Variants in DNHD1 observed in about 807,000 individuals in gnomAD.
The protein encoded by DNHD1 is dynein heavy chain domain 1.
A neutral mutation model predicts 458.1 loss-of-function variants in DNHD1; 383 were observed. The ratio of observed to expected loss-of-function variants is 0.84; its 90% CI spans 0.77 to 0.91. The LOEUF is 0.91. Among genes scored for constraint, DNHD1 ranks in the 40% least tolerant of loss-of-function variants. The pLI is 0.00. For missense variants in DNHD1, 5,336 were observed against 5,866.1 expected, an observed-to-expected ratio of 0.91 and a Z score of 2.95; for synonymous variants, 2,203 against 2,376.9, an observed-to-expected ratio of 0.93 and a Z score of 2.13.
Position 6,498,703 on chromosome 11 carries a change from C to A in DNHD1, c.488C>A (p.Pro163Gln). The change falls in exon 3 of 43, where the codon CCA becomes CAA. Residue 163 changes from proline (P) to glutamine (Q), a missense_variant. Pro to Gln is a moderately conservative substitution (Grantham distance 76, BLOSUM62 -1). Coordinates refer to ENST00000254579, the MANE Select transcript of DNHD1 (RefSeq NM_144666.3). ...AGGCTCCATCACAGGCCCCCATGCCCAGCTTGCCCTTTTGTGCAGGCCCAG... is the reference window on the plus strand; with the variant it reads ...AGGCTCCATCACAGGCCCCCATGCCAAGCTTGCCCTTTTGTGCAGGCCCAG... The part of the protein sequence containing the change: ...KRRLHHRPPC[P>Q]ACPFVQAQWS... 1 of 1,614,196 alleles carries A rather than the reference C, an allele frequency of 6.2e-7. No individual in the cohort carries two copies. The highest frequency in any genetic ancestry group is 8.5e-7 in the Non-Finnish European group (1 of 1,180,018).
chr11:6,527,393 G>A (rs1010961496), intron 10 of DNHD1, among the ~76,000 whole-genome samples: 2 of 152,142 alleles, frequency 1.3e-5, no homozygotes, highest in Admixed American at 6.5e-5. Flanking sequence ...TTAAAGTAAC[G>A]ACAACAGGAT....
chr11:6,557,938 G>A lies in DNHD1; in HGVS notation c.8643G>A (p.Arg2881=), dbSNP rs1286561095. ...HVARLVRVLA[R]PRQHGLLLSG... ...CCCGCCTGGTCCGGGTGCTGGCCAG[G>A]CCCCGGCAGCATGGCCTGCTGCTCT... is the stretch of plus-strand genomic sequence containing the variant. Residue 2881 remains arginine (R), a synonymous_variant, in exon 25 of 43, where the codon AGG becomes AGA. Transcript: ENST00000254579. 1 of 1,551,290 alleles carries A rather than the reference G, an allele frequency of 6.4e-7. No individual in the cohort carries two copies. Among genetic ancestry groups the A allele is most frequent in the East Asian group, 2.4e-5 (1 of 40,888 alleles).
chr11:6,556,866 T>A lies in DNHD1; in HGVS notation c.7571T>A (p.Val2524Asp). Reference protein sequence around the residue: ...LCPRLFRLFTVLALESMTQAT... With the variant: ...LCPRLFRLFTDLALESMTQAT... Reference sequence around the variant, plus strand: ...CCACGCCTCTTTCGACTCTTCACAGTCCTGGCCCTGGAAAGCATGACCCAG... The same window carrying A: ...CCACGCCTCTTTCGACTCTTCACAGACCTGGCCCTGGAAAGCATGACCCAG... Residue 2524 changes from valine to aspartate, a missense_variant, in exon 25 of 43, where the codon GTC becomes GAC. Around this residue, in one of 4 missense-constraint regions of DNHD1, gnomAD observed 3,932 missense variants for 4,365.6 expected, o/e 0.90. Coordinates refer to ENST00000254579, the MANE Select transcript of DNHD1 (RefSeq NM_144666.3). 3 of 1,551,668 alleles carry A rather than the reference T, an allele frequency of 1.9e-6. No homozygotes were observed. The highest frequency in any genetic ancestry group is 2.4e-5 in the South Asian group (2 of 84,050).
Position 6,498,498 on chromosome 11 carries a change from C to T in DNHD1, c.283C>T (p.Arg95Cys), listed in dbSNP as rs752485929. The T allele has an allele frequency of 3.7e-6, 6 of 1,614,108 alleles. No individual in the cohort carries two copies. The highest frequency in any genetic ancestry group is 2.7e-5 in the African/African-American group (2 of 74,938). Residue 95 changes from arginine to cysteine, a missense_variant, in exon 3 of 43, where the codon CGT (arginine) becomes TGT (cysteine). By Grantham distance (180) the Arg-to-Cys change is radical. Around this residue, in one of 4 missense-constraint regions of DNHD1, gnomAD observed 3,932 missense variants for 4,365.6 expected, o/e 0.90. Coordinates refer to ENST00000254579, the MANE Select transcript of DNHD1 (RefSeq NM_144666.3). ...HAVLGLLPPY[R>C]ELLVGHLDLL... is the part of the protein sequence containing the mutation. ...AGTACTGGGTCTACTGCCTCCATATCGTGAGTTGCTAGTTGGCCACCTTGA... is the reference window on the plus strand; with the variant it reads ...AGTACTGGGTCTACTGCCTCCATATTGTGAGTTGCTAGTTGGCCACCTTGA...
intron 14 of DNHD1, among the ~76,000 whole-genome samples, chr11:6,537,077 C>G (rs1452649751): frequency 6.6e-6 from 1 of 152,140 alleles, no homozygotes; most frequent in Non-Finnish European, 1.5e-5. Context: ...TTGTCCCACT[C>G]AAGAAAGTAA....
intron 13 of DNHD1, 127 bp downstream of exon 13, chr11:6,533,311 A>G (rs1852867869): frequency 9.9e-7 from 1 of 1,006,000 alleles, no homozygotes; most frequent in Admixed American, 2.8e-5. Context: ...GTGCTCGCCT[A>G]AGAGATCTAC....
At chr11:6,551,695 C>G (rs1345899653) in intron 24 of DNHD1, among the ~76,000 whole-genome samples, 2 of 152,180 alleles carry the variant, frequency 1.3e-5, no homozygotes, top group Non-Finnish European at 2.9e-5. Context: ...GTAATCCCGG[C>G]ACTTTGGGAG....
At chr11:6,514,742 AT>A (rs1852422891) in intron 7 of DNHD1, among the ~76,000 whole-genome samples, 1 of 152,138 alleles carries the variant, frequency 6.6e-6, no homozygotes, top group Non-Finnish European at 1.5e-5. Context: ...TATTTTCTAA[AT>A]AATTTGAGAG....
rs770017503 is a variant in DNHD1, at chr11:6,558,225, G to T, written c.8930G>T (p.Arg2977Leu). 9 of 1,551,578 alleles carry T rather than the reference G, an allele frequency of 5.8e-6. No individual in the cohort carries two copies. The highest frequency in any genetic ancestry group is 2.4e-5 in the East Asian group (1 of 40,930). Residue 2977 changes from arginine (R) to leucine (L), a missense_variant, in exon 25 of 43, where the codon CGC (arginine) becomes CTC (leucine). This residue lies in a region of DNHD1 where 3,932 missense variants were observed against 4,365.6 expected (regional missense o/e 0.90). Transcript: ENST00000254579. ...PGQYTEADLD[R>L]IGEHLPRENL... ...CAGTACACAGAAGCAGATTTGGACCGCATTGGAGAACACCTCCCCAGGGAG... is the reference window on the plus strand; with the variant it reads ...CAGTACACAGAAGCAGATTTGGACCTCATTGGAGAACACCTCCCCAGGGAG...
chr11:6,548,285 A>G lies in DNHD1; in HGVS notation c.6981A>G (p.Ser2327=). 6.4e-7 allele frequency: 1 copy of G among 1,551,720 alleles called. No individual in the cohort carries two copies. Among genetic ancestry groups the G allele is most frequent in the Non-Finnish European group, 8.7e-7 (1 of 1,146,998 alleles). The change falls in exon 23 of 43, where the codon TCA becomes TCG. Residue 2327 remains serine, a synonymous_variant. Transcript: ENST00000254579. This position sits in a 1 kb window ranked among gnomAD's most constrained non-coding sequence, Gnocchi z 4.4. ...CCAACTACCCTGAGCCACCACCCTC[A>G]GCCTTGGTGTTTGATCTACATGTAA... ...RLSNYPEPPP[S]ALVFDLHVSP... is the part of the protein sequence containing the mutation.
intron 24 of DNHD1, among the ~76,000 whole-genome samples, chr11:6,554,962 C>A (rs571160522): frequency 1.3e-5 from 2 of 152,304 alleles, no homozygotes; most frequent in Non-Finnish European, 2.9e-5. Flanking sequence ...ACATTCATAG[C>A]AGCATTGTTC....
Position 6,546,279 on chromosome 11 carries a change from C to T in DNHD1, c.5340C>T (p.Thr1780=). 1 of 1,552,368 alleles carries T rather than the reference C, an allele frequency of 6.4e-7. No individual in the cohort carries two copies. The highest frequency in any genetic ancestry group is 8.7e-7 in the Non-Finnish European group (1 of 1,147,134). ...ASRNTSTIDP[T]QPQLLGSSFF... ...GAAACACAAGCACCATAGACCCCAC[C>T]CAGCCCCAGCTCCTTGGCAGTAGCT... Residue 1780 remains threonine, a synonymous_variant, in exon 21 of 43, where the codon ACC becomes ACT. Transcript: ENST00000254579.
Position 6,556,846 on chromosome 11 carries a change from C to A in DNHD1, c.7551C>A (p.Arg2517=), listed in dbSNP as rs1853472703. ...PGYCERPLCP[R]LFRLFTVLAL... Reference sequence around the variant, plus strand: ...ACTGTGAGCGCCCACTGTGTCCACGCCTCTTTCGACTCTTCACAGTCCTGG... The same window carrying A: ...ACTGTGAGCGCCCACTGTGTCCACGACTCTTTCGACTCTTCACAGTCCTGG... Residue 2517 remains arginine (R), a synonymous_variant, in exon 25 of 43, where the codon CGC becomes CGA. Transcript: ENST00000254579. 6.4e-7 allele frequency: 1 copy of A among 1,551,688 alleles called. No homozygotes were observed. Among genetic ancestry groups the A allele is most frequent in the South Asian group, 1.2e-5 (1 of 84,062 alleles).
intron 10 of DNHD1, among the ~76,000 whole-genome samples, chr11:6,523,206 A>G (rs1037143732): frequency 1.3e-5 from 2 of 152,200 alleles, no homozygotes; most frequent in Non-Finnish European, 2.9e-5. Context: ...TAATCTCTTG[A>G]TGTACGTTTT....
intron 39 of DNHD1, 24 bp downstream of exon 39, chr11:6,568,890 G>C (rs1853772433): frequency 6.3e-7 from 1 of 1,590,096 alleles, no homozygotes. Context: ...ACCCATTCCT[G>C]CTCAGTCAAT....
At chr11:6,523,259 T>C (rs1217266500) in intron 10 of DNHD1, among the ~76,000 whole-genome samples, 3 of 152,078 alleles carry the variant, frequency 2.0e-5, no homozygotes, top group Non-Finnish European at 4.4e-5. Flanking sequence ...AATGCAAAAA[T>C]ATGAAAACTG....
chr11:6,566,003 T>TGGG lies in DNHD1; in HGVS notation c.11053+12_11053+13insGGG. On this transcript the variant is annotated intron_variant, in intron 33 of 42. Transcript: ENST00000254579. ...GGCAGCTGCTTGTGGTGAGAGCTGG[T>TGGG]CCCCACCCACCCTGGCCCCTTTTTG... 25 of 1,507,208 alleles carry TGGG rather than the reference T, an allele frequency of 1.7e-5. No homozygotes were observed. Among genetic ancestry groups the TGGG allele is most frequent in the Non-Finnish European group, 2.1e-5 (23 of 1,109,120 alleles). The allele number at this position is 1,507,208 out of a possible 1,614,324, so 93.4% of individuals were successfully genotyped here.
Position 6,540,030 on chromosome 11 carries a change from G to T in DNHD1, c.3575G>T (p.Arg1192Leu), listed in dbSNP as rs200288379. Residue 1192 changes from arginine to leucine, a missense_variant, in exon 18 of 43, where the codon CGC becomes CTC. Around this residue, in one of 4 missense-constraint regions of DNHD1, gnomAD observed 3,932 missense variants for 4,365.6 expected, o/e 0.90. Transcript: ENST00000254579. ...GAGCGCTCCAAGAGGCAGGTGCTCC[G>T]CAGCCCCCAATGGGAGGTAGTGGAC... ...ASERSKRQVL[R>L]SPQWEVVDKD... 6.4e-7 allele frequency: 1 copy of T among 1,551,646 alleles called. No individual in the cohort carries two copies. Among genetic ancestry groups the T allele is most frequent in the East Asian group, 2.4e-5 (1 of 40,922 alleles).
chr11:6,568,771 A>C lies in DNHD1; in HGVS notation c.12768A>C (p.Gln4256His). The part of the protein sequence containing the change: ...VELAQQVLYM[Q>H]PPTQALPLLL... ...TAGCCCAGCAAGTACTCTACATGCA[A>C]CCCCCCACCCAGGCACTACCTCTGC... Residue 4256 changes from glutamine to histidine, a missense_variant, in exon 39 of 43, where the codon CAA (glutamine) becomes CAC (histidine). Physicochemically the swap from Gln to His is conservative, Grantham distance 24 (BLOSUM62 0). This residue lies in a region of DNHD1 where 698 missense variants were observed against 664.9 expected (regional missense o/e 1.05). Transcript: ENST00000254579. 2.5e-6 allele frequency: 4 copies of C among 1,612,942 alleles called. No homozygotes were observed. Among genetic ancestry groups the C allele is most frequent in the Non-Finnish European group, 3.4e-6 (4 of 1,179,612 alleles).
Sources: gnomAD v4.1 joint callset for allele counts (sites outside exome capture counted in the v4.1 genomes callset) on GRCh38, gnomAD v4.1.1 for gene constraint, gnomAD v4.1.1 regional missense constraint, Gnocchi (gnomAD v3.1) non-coding constraint, MANE v1.5 for transcripts, NCBI Gene and HGNC (gene_info 2026-07-23, HGNC 2026-07-21) for gene names.